Variants in DCLK1 observed in about 807,000 individuals in gnomAD.
DCLK1 encodes serine/threonine-protein kinase DCLK1.
Under a neutral mutation model 86.2 loss-of-function variants are expected in DCLK1, and 16 were observed. That is an observed-to-expected ratio of 0.19 (90% CI 0.13 to 0.28). DCLK1 has a LOEUF of 0.28. Among genes scored for constraint, DCLK1 ranks in the 10% least tolerant of loss-of-function variants. DCLK1 has a pLI of 1.00. For missense variants in DCLK1, 590 were observed against 940.2 expected (o/e 0.63, Z 4.87); for synonymous variants, 369 against 370.5 (o/e 1.00, Z 0.05).
At chr13:35,873,154 C>T (rs1035996786) in intron 4 of DCLK1, among the ~76,000 whole-genome samples, 2 of 151,662 alleles carry the variant, frequency 1.3e-5, no homozygotes, top group Non-Finnish European at 2.9e-5. Flanking sequence ...AAAAATTAGC[C>T]GGGTATGGTG....
intron 5 of DCLK1, chr13:35,855,747 AG>A: frequency 7.5e-7 from 1 of 1,326,506 alleles, no homozygotes; most frequent in Non-Finnish European, 9.7e-7. Context: ...GTTCTGTCTT[AG>A]GCTACATCAA....
At chr13:35,792,925 C>T (rs2086733314) in intron 16 of DCLK1, among the ~76,000 whole-genome samples, 1 of 152,158 alleles carries the variant, frequency 6.6e-6, no homozygotes, top group African/African-American at 2.4e-5. Context: ...TTCTGCTATG[C>T]TTTGACTTTA....
chr13:35,845,298 C>T (rs1337086596), intron 6 of DCLK1, among the ~76,000 whole-genome samples: 1 of 152,138 alleles, frequency 6.6e-6, no homozygotes, highest in Admixed American at 6.6e-5. Context: ...ATTTCCTATC[C>T]TCTTTAACAT....
intron 15 of DCLK1, among the ~76,000 whole-genome samples, chr13:35,800,083 C>T (rs982532109): frequency 6.6e-6 from 1 of 152,194 alleles, no homozygotes; most frequent in South Asian, 2.1e-4. Context: ...CAAACAGGAT[C>T]ATGTTGGGGG....
chr13:35,960,014 C>T (rs1469947711), intron 3 of DCLK1, among the ~76,000 whole-genome samples: 1 of 152,094 alleles, frequency 6.6e-6, no homozygotes, highest in South Asian at 2.1e-4. Context: ...TCCTCTCTTC[C>T]CCAATGCTTG....
intron 3 of DCLK1, among the ~76,000 whole-genome samples, chr13:36,052,566 A>G (rs898416948): frequency 1.3e-5 from 2 of 152,196 alleles, no homozygotes; most frequent in African/African-American, 4.8e-5. Flanking sequence ...AGGTAGTTAA[A>G]TAAGACACGA....
intron 15 of DCLK1, among the ~76,000 whole-genome samples, chr13:35,796,244 T>G (rs1406561672): frequency 6.6e-6 from 1 of 152,120 alleles, no homozygotes; most frequent in Non-Finnish European, 1.5e-5. Context: ...AATGATCAAA[T>G]GAGCTTTCAA....
At chr13:35,894,128 TCAAA>T (rs545817751) in intron 4 of DCLK1, among the ~76,000 whole-genome samples, 6 of 151,624 alleles carry the variant, frequency 4.0e-5, no homozygotes, top group East Asian at 3.9e-4. Context: ...TATTCCAAAA[TCAAA>T]CAAACAAACA....
At chr13:36,069,363 A>G (rs940916879) in intron 3 of DCLK1, among the ~76,000 whole-genome samples, 1 of 152,222 alleles carries the variant, frequency 6.6e-6, no homozygotes, top group Non-Finnish European at 1.5e-5. Context: ...AGAAATAAAG[A>G]CAAGAAGTGA....
At chr13:35,949,031 A>G (rs1259260772) in intron 3 of DCLK1, among the ~76,000 whole-genome samples, 1 of 152,172 alleles carries the variant, frequency 6.6e-6, no homozygotes, top group Non-Finnish European at 1.5e-5. Context: ...TTTTCATTTT[A>G]CATTTCATTT....
intron 6 of DCLK1, chr13:35,846,629 G>T: frequency 7.1e-6 from 7 of 985,192 alleles, no homozygotes; most frequent in Non-Finnish European, 6.0e-6. Context: ...AGTACAACAC[G>T]CTATATCAGG....
intron 3 of DCLK1, among the ~76,000 whole-genome samples, chr13:36,028,347 G>C (rs1324856284): frequency 6.6e-6 from 1 of 152,180 alleles, no homozygotes; most frequent in Non-Finnish European, 1.5e-5. Context: ...CTTCAGGCTG[G>C]TCTTTTGAAA....
rs151049436 is a variant in DCLK1, at chr13:36,066,405, T to G, written c.723+45464A>C. Among the ~76,000 whole-genome samples the G allele has an allele frequency of 2.0e-4, 31 of 152,300 alleles. No individual in the cohort carries two copies. The East Asian group carries it at 6.0e-3, about 29-fold the overall frequency. On this transcript the variant is annotated intron_variant, in intron 3 of 16. Transcript: ENST00000360631. The stretch of plus-strand genomic sequence containing the variant: ...GTAAAATGAGTCTAAATGACAGCAT[T>G]TTCCCAAACAGATTTTGTTACAGTA...
intron 15 of DCLK1, among the ~76,000 whole-genome samples, chr13:35,795,939 A>C (rs1286987121): frequency 6.6e-6 from 1 of 151,650 alleles, no homozygotes; most frequent in East Asian, 1.9e-4. Flanking sequence ...AAAAAAAAAA[A>C]AAAAACCAAC....
At chr13:35,796,535 G>A (rs17052842) in intron 15 of DCLK1, among the ~76,000 whole-genome samples, 2,114 of 152,256 alleles carry the variant, frequency 0.014, 39 homozygotes, top group African/African-American at 0.048. Context: ...ACGGCAGGGC[G>A]AGGAAGGTGA....
intron 3 of DCLK1, among the ~76,000 whole-genome samples, chr13:36,087,821 A>C (rs937175628): frequency 6.6e-6 from 1 of 152,184 alleles, no homozygotes. Flanking sequence ...TCCCAAGCCA[A>C]GGATAAGACT....
At chr13:35,803,717 GAAAAC>G (rs775721165) in intron 15 of DCLK1, among the ~76,000 whole-genome samples, 1 of 152,088 alleles carries the variant, frequency 6.6e-6, no homozygotes. Flanking sequence ...TGTTGTTTTG[GAAAAC>G]AAAACAAAAC....
At chr13:35,831,131 C>A (rs1432008790) in intron 8 of DCLK1, among the ~76,000 whole-genome samples, 1 of 152,156 alleles carries the variant, frequency 6.6e-6, no homozygotes, top group Non-Finnish European at 1.5e-5. Context: ...TTGTGGATTT[C>A]CACTATACAA....
rs550197739 is a variant in DCLK1, at chr13:36,004,064, T to C, written c.724-56607A>G. On this transcript the variant is annotated intron_variant, in intron 3 of 16. Coordinates refer to ENST00000360631, the MANE Select transcript of DCLK1 (RefSeq NM_001330071.2). ...CACAAAGATTAAATATAAAAAGTCA[T>C]GGAATTGATAACAACAAAATAATAC... Among the ~76,000 whole-genome samples, 12 of 152,292 alleles carry C rather than the reference T, an allele frequency of 7.9e-5. No individual in the cohort carries two copies. In the South Asian group the frequency reaches 8.3e-4, roughly 11 times the overall value.
Sources: allele counts gnomAD v4.1 joint callset (sites outside exome capture counted in the v4.1 genomes callset), GRCh38; gene constraint gnomAD v4.1.1; transcripts MANE v1.5; gene names NCBI Gene and HGNC (gene_info 2026-07-23, HGNC 2026-07-21).